The following SPIDR variants were observed in gnomAD, a reference collection of about 807,000 sequenced individuals.
The protein encoded by SPIDR is scaffold protein involved in DNA repair, also known as DNA repair-scaffolding protein.
A neutral mutation model predicts 104.6 loss-of-function variants in SPIDR; 93 were observed. That is an observed-to-expected ratio of 0.89 (90% confidence interval 0.75 to 1.06). SPIDR has a LOEUF of 1.06. SPIDR is among the 50% of genes least tolerant of loss of function. The pLI is 0.00. For missense variants in SPIDR, 1,154 were observed against 1,111.2 expected (o/e 1.04, Z -0.55); for synonymous variants, 431 against 416.9 (o/e 1.03, Z -0.41).
intron 8 of SPIDR, among the ~76,000 whole-genome samples, chr8:47,536,779 GA>G (rs1358718019): frequency 6.6e-5 from 10 of 152,194 alleles, no homozygotes; most frequent in Non-Finnish European, 1.3e-4. Flanking sequence ...TCTGCTCTGT[GA>G]AAGACACTGT....
At chr8:47,566,673 G>A (rs1445054682) in intron 8 of SPIDR, among the ~76,000 whole-genome samples, 1 of 151,822 alleles carries the variant, frequency 6.6e-6, no homozygotes, top group Non-Finnish European at 1.5e-5. Context: ...AATCTTAAAT[G>A]ACATTTACTA....
At chr8:47,453,874 A>T (rs2072401804) in intron 8 of SPIDR, among the ~76,000 whole-genome samples, 2 of 152,250 alleles carry the variant, frequency 1.3e-5, no homozygotes, top group African/African-American at 4.8e-5. Context: ...AGACACATGA[A>T]AAAATGCTCA....
At chr8:47,299,662 G>C (rs1247003435) in intron 5 of SPIDR, among the ~76,000 whole-genome samples, 37 of 152,170 alleles carry the variant, frequency 2.4e-4, no homozygotes, top group Admixed American at 5.2e-4. Context: ...TAGCATGAAG[G>C]GTTGTTGAAT....
intron 10 of SPIDR, among the ~76,000 whole-genome samples, chr8:47,644,175 C>T (rs1043933155): frequency 6.6e-6 from 1 of 152,172 alleles, no homozygotes; most frequent in African/African-American, 2.4e-5. Context: ...CCAAGCCAGT[C>T]CTGTGGTGTT....
At chr8:47,417,248 G>A (rs1347319225) in intron 7 of SPIDR, among the ~76,000 whole-genome samples, 4 of 152,210 alleles carry the variant, frequency 2.6e-5, no homozygotes, top group Admixed American at 6.5e-5. Context: ...CACCAACAGC[G>A]TAAAAGTGTT....
At chr8:47,276,533 G>A (rs1448382210) in intron 1 of SPIDR, among the ~76,000 whole-genome samples, 1 of 152,100 alleles carries the variant, frequency 6.6e-6, no homozygotes, top group Non-Finnish European at 1.5e-5. Flanking sequence ...CATCTATAAT[G>A]TGGACAAATA....
chr8:47,391,257 G>A (rs535028814), intron 5 of SPIDR, among the ~76,000 whole-genome samples: 2 of 152,248 alleles, frequency 1.3e-5, no homozygotes, highest in Admixed American at 6.5e-5. Context: ...GACTACATGG[G>A]CCGGGTGCAG....
At chr8:47,317,320 C>T (rs1156437477) in intron 5 of SPIDR, among the ~76,000 whole-genome samples, 3 of 152,156 alleles carry the variant, frequency 2.0e-5, no homozygotes, top group Non-Finnish European at 4.4e-5. Flanking sequence ...ACGCCTGGCT[C>T]GGAGGGTCCT....
At chr8:47,426,120 C>T (rs895963546) in intron 7 of SPIDR, among the ~76,000 whole-genome samples, 2 of 151,524 alleles carry the variant, frequency 1.3e-5, no homozygotes, top group Non-Finnish European at 2.9e-5. Flanking sequence ...GCCATGGGGG[C>T]ACACACTCCT....
At chr8:47,688,576 G>A (rs1023303873) in intron 11 of SPIDR, 3 of 152,236 alleles carry the variant, frequency 2.0e-5, no homozygotes, top group African/African-American at 7.2e-5. Flanking sequence ...GGTAGCTCCG[G>A]TTTATTCGTT....
At chr8:47,734,643 C>G (rs1223956442) in intron 19 of SPIDR, among the ~76,000 whole-genome samples, 1 of 150,984 alleles carries the variant, frequency 6.6e-6, no homozygotes, top group Non-Finnish European at 1.5e-5. Context: ...TGCTTCTGAG[C>G]CTTTATTTTC....
intron 11 of SPIDR, among the ~76,000 whole-genome samples, chr8:47,695,534 A>C (rs2079209110): frequency 1.3e-5 from 2 of 152,220 alleles, no homozygotes; most frequent in Non-Finnish European, 2.9e-5. Context: ...AAAGTGGTTC[A>C]GGCAGTTTTA....
At chr8:47,402,922 A>G (rs1377162021) in intron 6 of SPIDR, among the ~76,000 whole-genome samples, 1 of 152,206 alleles carries the variant, frequency 6.6e-6, no homozygotes, top group Non-Finnish European at 1.5e-5. Context: ...TTAGACCAAT[A>G]TCTCTGATGA....
At chr8:47,498,927 C>T (rs2079887918) in intron 8 of SPIDR, among the ~76,000 whole-genome samples, 2 of 152,094 alleles carry the variant, frequency 1.3e-5, no homozygotes, top group South Asian at 2.1e-4. Flanking sequence ...TAAACAGTGT[C>T]GCAATATGTA....
chr8:47,468,900 C>T (rs1554719224), intron 8 of SPIDR, among the ~76,000 whole-genome samples: 2 of 152,010 alleles, frequency 1.3e-5, no homozygotes, highest in Non-Finnish European at 1.5e-5. Context: ...AGACAACTAT[C>T]GACAGCCTAC....
chr8:47,309,123 A>G (rs2043655471), intron 5 of SPIDR, among the ~76,000 whole-genome samples: 3 of 152,232 alleles, frequency 2.0e-5, no homozygotes. Flanking sequence ...AATTCTGATC[A>G]TCATACATTT....
In SPIDR at chr8:47,286,250, A is replaced by C. The variant is rs1055501470; in HGVS notation, c.256+2156A>C. On this transcript the variant is annotated intron_variant, in intron 3 of 19. Coordinates refer to ENST00000297423, the MANE Select transcript of SPIDR (RefSeq NM_001080394.4). ...GCATAATGGTTAAGAACATGGACTC[A>C]GAAGCTCACCTGCCTGGGTGTGCGT... Among the ~76,000 whole-genome samples, 460 of 152,348 alleles carry C rather than the reference A, an allele frequency of 3.0e-3. 3 individuals carry two copies. Among genetic ancestry groups the C allele is most frequent in the African/African-American group, 0.011 (437 of 41,578 alleles).
intron 8 of SPIDR, among the ~76,000 whole-genome samples, chr8:47,565,321 T>C (rs1343948396): frequency 6.6e-6 from 1 of 152,106 alleles, no homozygotes; most frequent in African/African-American, 2.4e-5. Context: ...CATGCATGCA[T>C]TGGGCAGTAA....
chr8:47,518,619 T>A (rs1436394847), intron 8 of SPIDR, among the ~76,000 whole-genome samples: 3 of 151,536 alleles, frequency 2.0e-5, no homozygotes, highest in Non-Finnish European at 4.4e-5. Context: ...TGTTGTTATA[T>A]CACTGAAGTC....
Sources: gnomAD v4.1 joint callset for allele counts (sites outside exome capture counted in the v4.1 genomes callset) on GRCh38, gnomAD v4.1.1 for gene constraint, MANE v1.5 for transcripts, NCBI Gene and HGNC (gene_info 2026-07-23, HGNC 2026-07-21) for gene names.